The following POGLUT1 variants were observed in gnomAD, a reference collection of about 807,000 sequenced individuals.
POGLUT1 encodes the protein protein O-glucosyltransferase 1.
Under a neutral mutation model 61.3 loss-of-function variants are expected in POGLUT1, and 32 were observed. That is an observed-to-expected ratio of 0.52 (90% CI 0.39 to 0.70). POGLUT1 has a LOEUF of 0.70. POGLUT1 is among the 30% of genes least tolerant of loss of function. POGLUT1 has a pLI of 0.00. For missense variants in POGLUT1, 411 were observed against 469.8 expected, an observed-to-expected ratio of 0.87 and a Z score of 1.16; for synonymous variants, 158 against 158.2, an observed-to-expected ratio of 1.00 and a Z score of 0.01.
chr3:119,485,597 A>G (rs1185042225), intron 6 of POGLUT1, among the ~76,000 whole-genome samples: 1 of 152,268 alleles, frequency 6.6e-6, no homozygotes, highest in Non-Finnish European at 1.5e-5. Flanking sequence ...AGTAAAGTTC[A>G]TCCATTTCAG....
chr3:119,476,725 T>C (rs2081541976), intron 3 of POGLUT1, among the ~76,000 whole-genome samples: 1 of 152,248 alleles, frequency 6.6e-6, no homozygotes. Context: ...TCCCAGGGAA[T>C]CTAGTCAGAA....
In POGLUT1 at chr3:119,469,098, A is replaced by G. The variant is rs2081433474; in HGVS notation, c.77A>G (p.Lys26Arg). Reference protein sequence around the residue: ...FLLPSAQGRQKESGSKWKVFI... With the variant: ...FLLPSAQGRQRESGSKWKVFI... ...CTGCCCTCAGCGCAGGGCCGCCAGA[A>G]GGAGTCAGGTGGGCTCCGGGCAGTG... Residue 26 changes from lysine (K) to arginine (R), a missense_variant, in exon 1 of 11, where the codon AAG (lysine) becomes AGG (arginine). Transcript: ENST00000295588. 1.0e-5 allele frequency: 16 copies of G among 1,605,798 alleles called. No individual in the cohort carries two copies. The highest frequency in any genetic ancestry group is 1.4e-5 in the Non-Finnish European group (16 of 1,178,016).
intron 7 of POGLUT1, 88 bp from the exon 8 acceptor site, chr3:119,488,841 T>C: frequency 1.4e-6 from 1 of 692,132 alleles, no homozygotes; most frequent in Non-Finnish European, 2.7e-6. Flanking sequence ...TGAGGTAATG[T>C]TGATGAAATG....
intron 3 of POGLUT1, among the ~76,000 whole-genome samples, chr3:119,473,829 T>A (rs544856749): frequency 1.3e-5 from 2 of 152,026 alleles, no homozygotes; most frequent in African/African-American, 4.8e-5. Flanking sequence ...CCTGGCTAAT[T>A]TTTGTGTTTT....
intron 10 of POGLUT1, 71 bp from the exon 11 acceptor site, chr3:119,492,211 C>A: frequency 9.2e-7 from 1 of 1,081,618 alleles, no homozygotes; most frequent in Non-Finnish European, 1.3e-6. Context: ...ACAAGGTGAG[C>A]ACTCAAATGC....
chr3:119,492,420 G>A lies in POGLUT1; in HGVS notation c.1161G>A (p.Met387Ile). 2 of 1,601,926 alleles carry A rather than the reference G, an allele frequency of 1.2e-6. No individual in the cohort carries two copies. Among genetic ancestry groups the A allele is most frequent in the Non-Finnish European group, 1.7e-6 (2 of 1,172,586 alleles). Residue 387 changes from methionine to isoleucine, a missense_variant, in exon 11 of 11, where the codon ATG (methionine) becomes ATA (isoleucine). Transcript: ENST00000295588. ...RKGYDQIIPKMLKTEL is the reference protein window; with the variant it reads ...RKGYDQIIPKILKTEL ...GTTATGATCAAATTATTCCCAAAAT[G>A]TTGAAAACTGAACTATAGTAGTCAT...
intron 7 of POGLUT1, 123 bp downstream of exon 7, chr3:119,487,055 C>A: frequency 1.4e-6 from 1 of 714,382 alleles, no homozygotes; most frequent in South Asian, 1.6e-5. Flanking sequence ...AAAGAAAGTT[C>A]CATGAACCAG....
intron 5 of POGLUT1, among the ~76,000 whole-genome samples, chr3:119,482,424 T>C (rs2081615742): frequency 6.6e-6 from 1 of 152,230 alleles, no homozygotes; most frequent in African/African-American, 2.4e-5. Flanking sequence ...AGGCAGGATC[T>C]CACTATGTTG....
chr3:119,477,520 G>A (rs569563324), intron 4 of POGLUT1, 72 bp downstream of exon 4: 147 of 1,432,206 alleles, frequency 1.0e-4, no homozygotes, highest in African/African-American at 7.3e-4. Context: ...ATCTTTGTCC[G>A]GTGACATAGT....
intron 3 of POGLUT1, among the ~76,000 whole-genome samples, chr3:119,473,504 A>C (rs779201756): frequency 5.3e-5 from 8 of 152,196 alleles, no homozygotes; most frequent in Non-Finnish European, 1.2e-4. Flanking sequence ...AAAGTTCCCT[A>C]TCCTAGCTAC....
chr3:119,471,774 G>A, intron 3 of POGLUT1: 1 of 336,828 alleles, frequency 3.0e-6, no homozygotes, highest in Non-Finnish European at 5.6e-6. Flanking sequence ...GAGCTAGGCT[G>A]AAGGAGGAAG....
At chr3:119,471,204 C>T (rs2081467465) in intron 2 of POGLUT1, 105 bp from the exon 3 acceptor site, 5 of 961,968 alleles carry the variant, frequency 5.2e-6, no homozygotes, top group Admixed American at 2.1e-5. Context: ...TCTTTCCTTC[C>T]ACTTACTGTG....
intron 3 of POGLUT1, among the ~76,000 whole-genome samples, chr3:119,473,713 T>C (rs1288159253): frequency 1.3e-5 from 2 of 151,104 alleles, no homozygotes; most frequent in South Asian, 2.1e-4. Flanking sequence ...CAGTCTGGAG[T>C]GCAGTGGTGT....
At chr3:119,487,493 A>G (rs759012399) in intron 7 of POGLUT1, among the ~76,000 whole-genome samples, 7 of 152,186 alleles carry the variant, frequency 4.6e-5, no homozygotes, top group Non-Finnish European at 8.8e-5. Flanking sequence ...AGGCTGAGGC[A>G]GGAGAATCGC....
intron 5 of POGLUT1, among the ~76,000 whole-genome samples, chr3:119,484,689 T>C (rs189187511): frequency 2.5e-4 from 38 of 152,304 alleles, no homozygotes; most frequent in Non-Finnish European, 1.0e-4. Flanking sequence ...ATTTCATCAG[T>C]AGCACCCTAC....
intron 3 of POGLUT1, among the ~76,000 whole-genome samples, chr3:119,473,461 G>C (rs2107705959): frequency 6.6e-6 from 1 of 152,182 alleles, no homozygotes; most frequent in East Asian, 1.9e-4. Context: ...ACCTTCATTA[G>C]CAATAAAATA....
intron 1 of POGLUT1, 133 bp downstream of exon 1, chr3:119,469,239 G>C (rs1351824001): frequency 4.2e-6 from 3 of 706,514 alleles, no homozygotes; most frequent in East Asian, 2.7e-5. Context: ...AGAAGGCACC[G>C]GGGCGCCTTG....
At chr3:119,487,592 A>C (rs911715781) in intron 7 of POGLUT1, among the ~76,000 whole-genome samples, 3 of 152,196 alleles carry the variant, frequency 2.0e-5, no homozygotes, top group Admixed American at 1.3e-4. Context: ...TCTCAAAAAT[A>C]AGTAAATAAA....
intron 6 of POGLUT1, 137 bp downstream of exon 6, chr3:119,485,524 T>C: frequency 1.7e-6 from 1 of 580,060 alleles, no homozygotes; most frequent in South Asian, 2.4e-5. Flanking sequence ...ATCACAATTT[T>C]AGATTCGAGA....
Sources: gnomAD v4.1 joint callset for allele counts (sites outside exome capture counted in the v4.1 genomes callset) on GRCh38, gnomAD v4.1.1 for gene constraint, MANE v1.5 for transcripts, NCBI Gene and HGNC (gene_info 2026-07-23, HGNC 2026-07-21) for gene names.